The following MAP1B variants were observed in gnomAD, a reference collection of about 807,000 sequenced individuals.
MAP1B encodes the protein microtubule-associated protein 1B.
Under a neutral mutation model 176.1 loss-of-function variants are expected in MAP1B, and 12 were observed. The observed-to-expected ratio is 0.07, with a 90% CI of 0.04 to 0.11. The LOEUF (loss-of-function observed/expected upper bound fraction) is 0.11, where lower values mean the gene tolerates loss of function less well. Ranked by LOEUF, MAP1B falls within the 10% of genes least tolerant of loss-of-function variation. The probability of loss-of-function intolerance (pLI) is 1.00; values close to 1 mark genes in which losing one functional copy is unlikely to be tolerated. For synonymous variants in MAP1B, 1,044 were observed against 1,135.0 expected, an observed-to-expected ratio of 0.92 and a Z score of 1.61; for missense variants, 2,523 against 2,990.5, an observed-to-expected ratio of 0.84 and a Z score of 3.65.
At chr5:72,116,104 A>AAG (rs151013028) in intron 2 of MAP1B, 2 of 331,842 alleles carry the variant, frequency 6.0e-6, no homozygotes, top group East Asian at 7.3e-5. Context: ...GGGCTTGAGA[A>AAG]AGAGAGAGAG....
chr5:72,123,570 T>C (rs925364583), intron 2 of MAP1B, among the ~76,000 whole-genome samples: 13 of 151,930 alleles, frequency 8.6e-5, no homozygotes, highest in African/African-American at 3.1e-4. Context: ...CTGCAAGCTA[T>C]GCCTCCCAGG....
intron 2 of MAP1B, among the ~76,000 whole-genome samples, chr5:72,157,226 C>G (rs1198569642): frequency 6.6e-6 from 1 of 152,236 alleles, no homozygotes; most frequent in East Asian, 1.9e-4. Context: ...TTGTTTTTCA[C>G]TCAGTTTGGA....
Position 72,196,447 on chromosome 5 carries a change from A to G in MAP1B, c.3092A>G (p.Glu1031Gly). 1 of 1,613,860 alleles carries G rather than the reference A, an allele frequency of 6.2e-7. No individual in the cohort carries two copies. The change falls in exon 5 of 7, where the codon GAG (glutamate) becomes GGG (glycine). Residue 1031 changes from glutamate (E) to glycine (G), a missense_variant. By Grantham distance (98) the Glu-to-Gly change is moderately conservative. Coordinates refer to ENST00000296755, the MANE Select transcript of MAP1B (RefSeq NM_005909.5). The surrounding 1 kb of genome is among the most constrained non-coding windows in gnomAD (Gnocchi z 5.3). The part of the protein sequence containing the change: ...DEEDKAEDAR[E>G]EEYEPEKMEA... Reference sequence around the variant, plus strand: ...GAGGACAAAGCTGAAGATGCCAGAGAGGAGGAATATGAGCCGGAAAAAATG... The same window carrying G: ...GAGGACAAAGCTGAAGATGCCAGAGGGGAGGAATATGAGCCGGAAAAAATG...
In MAP1B at chr5:72,196,399, A is replaced by C. The variant is rs771892534; in HGVS notation, c.3044A>C (p.Gln1015Pro). The C allele has an allele frequency of 3.1e-6, 5 of 1,614,064 alleles. No homozygotes were observed. In the East Asian group the frequency reaches 1.1e-4, roughly 36 times the overall value. Reference sequence around the variant, plus strand: ...GCCATTGAGAAAGGAGAGGCTGAACAATCTGAAGAGGAGGCTGATGAGGAG... The same window carrying C: ...GCCATTGAGAAAGGAGAGGCTGAACCATCTGAAGAGGAGGCTGATGAGGAG... ...DEAIEKGEAE[Q>P]SEEEADEEDK... The change falls in exon 5 of 7, where the codon CAA (glutamine) becomes CCA (proline). Residue 1015 changes from glutamine (Q) to proline (P), a missense_variant. Physicochemically the swap from Gln to Pro is moderately conservative, Grantham distance 76 (BLOSUM62 -1). This residue lies in a region of MAP1B where 1,925 missense variants were observed against 2,126.0 expected (regional missense o/e 0.91). Transcript: ENST00000296755. The surrounding 1 kb of genome is among the most constrained non-coding windows in gnomAD (Gnocchi z 5.3).
At chr5:72,144,935 T>C (rs1746018118) in intron 2 of MAP1B, among the ~76,000 whole-genome samples, 2 of 152,266 alleles carry the variant, frequency 1.3e-5, no homozygotes, top group South Asian at 4.1e-4. Context: ...CCTGGCCATC[T>C]GAGTTGTAGG....
chr5:72,127,689 A>C (rs558712407), intron 2 of MAP1B, among the ~76,000 whole-genome samples: 5 of 152,362 alleles, frequency 3.3e-5, no homozygotes, highest in South Asian at 2.1e-4. Context: ...TAACAGAAAG[A>C]AATAATTTAT....
chr5:72,179,014 C>T (rs1238287458), intron 2 of MAP1B, among the ~76,000 whole-genome samples: 1 of 152,104 alleles, frequency 6.6e-6, no homozygotes, highest in Non-Finnish European at 1.5e-5. Flanking sequence ...CCAAACCCAG[C>T]TTTGGGAGAG....
At chr5:72,164,843 AT>A (rs1746394922) in intron 2 of MAP1B, among the ~76,000 whole-genome samples, 1 of 152,204 alleles carries the variant, frequency 6.6e-6, no homozygotes, top group Non-Finnish European at 1.5e-5. Flanking sequence ...TGTTCAAACA[AT>A]TTTAATATTT....
chr5:72,185,669 G>A (rs1350453100), intron 3 of MAP1B, among the ~76,000 whole-genome samples: 1 of 151,798 alleles, frequency 6.6e-6, no homozygotes, highest in African/African-American at 2.4e-5. Flanking sequence ...CGGAAGAGTT[G>A]TGAGAAAGGA....
At chr5:72,122,499 A>T (rs1745548490) in intron 2 of MAP1B, among the ~76,000 whole-genome samples, 1 of 152,160 alleles carries the variant, frequency 6.6e-6, no homozygotes, top group East Asian at 1.9e-4. Flanking sequence ...CTCACATACA[A>T]GGGAATTTTT....
At chr5:72,190,122 G>C (rs1355986675) in intron 4 of MAP1B, among the ~76,000 whole-genome samples, 1 of 152,160 alleles carries the variant, frequency 6.6e-6, no homozygotes. Flanking sequence ...GATTGTGAGA[G>C]TTGATAATGT....
At chr5:72,135,663 CA>C (rs1265489264) in intron 2 of MAP1B, among the ~76,000 whole-genome samples, 1 of 152,102 alleles carries the variant, frequency 6.6e-6, no homozygotes, top group East Asian at 1.9e-4. Flanking sequence ...ATTTGGATCC[CA>C]GAATGTTCCT....
chr5:72,183,506 G>A (rs1354457998), intron 2 of MAP1B, among the ~76,000 whole-genome samples: 1 of 152,248 alleles, frequency 6.6e-6, no homozygotes, highest in Non-Finnish European at 1.5e-5. Context: ...AAACTGGAGA[G>A]TGTGAGAGCG....
chr5:72,161,834 G>A (rs2112180442), intron 2 of MAP1B, among the ~76,000 whole-genome samples: 2 of 151,816 alleles, frequency 1.3e-5, no homozygotes, highest in Middle Eastern at 6.8e-3. Flanking sequence ...GTGGGCGTCT[G>A]TAATCCCAGC....
Position 72,165,618 on chromosome 5 carries a change from C to T in MAP1B, c.287-18125C>T, listed in dbSNP as rs749200762. Among the ~76,000 whole-genome samples, 74 of 152,234 alleles carry T rather than the reference C, an allele frequency of 4.9e-4. 1 individual carries two copies. The highest frequency in any genetic ancestry group is 9.1e-4 in the Non-Finnish European group (62 of 68,012). On this transcript the variant is annotated intron_variant, in intron 2 of 6. Transcript: ENST00000296755. ...CATGACCTCTTGGGCTCAGTTTTCC[C>T]ATCCACTAAATAAGAGGATGGGATG...
At position 72,199,636 on chromosome 5, in the gene MAP1B, A is replaced by G; in HGVS notation, c.6281A>G (p.Lys2094Arg). 2 of 1,614,176 alleles carry G rather than the reference A, an allele frequency of 1.2e-6. No homozygotes were observed. Among genetic ancestry groups the G allele is most frequent in the South Asian group, 1.1e-5 (1 of 91,078 alleles). Residue 2094 changes from lysine (K) to arginine (R), a missense_variant, in exon 5 of 7, where the codon AAG becomes AGG. Physicochemically the swap from Lys to Arg is conservative, Grantham distance 26 (BLOSUM62 2). Transcript: ENST00000296755. This position sits in a 1 kb window ranked among gnomAD's most constrained non-coding sequence, Gnocchi z 4.2. Reference sequence around the variant, plus strand: ...TCCTCTTGTGAATACAAGCACCCCAAGACAGAGCTTTCACCCTCTTTCATT... The same window carrying G: ...TCCTCTTGTGAATACAAGCACCCCAGGACAGAGCTTTCACCCTCTTTCATT... ...LVSSCEYKHP[K>R]TELSPSFINP...
chr5:72,197,210 G>A lies in MAP1B; in HGVS notation c.3855G>A (p.Glu1285=). 2 of 1,614,210 alleles carry A rather than the reference G, an allele frequency of 1.2e-6. No individual in the cohort carries two copies. Among genetic ancestry groups the A allele is most frequent in the Non-Finnish European group, 1.7e-6 (2 of 1,180,044 alleles). The change falls in exon 5 of 7, where the codon GAG becomes GAA. Residue 1285 remains glutamate (E), a synonymous_variant. Transcript: ENST00000296755. ...RSVNFSLTPN[E]IKVSAEAEVA... ...TGAACTTCTCTCTGACGCCCAATGA[G>A]ATTAAAGTCTCTGCAGAGGCAGAAG...
chr5:72,185,592 C>A (rs946380022), intron 3 of MAP1B, among the ~76,000 whole-genome samples: 2 of 131,522 alleles, frequency 1.5e-5, no homozygotes, highest in Non-Finnish European at 1.6e-5. Context: ...CAGAGTGAGA[C>A]CCTGTCTCAA....
chr5:72,193,857 A>C lies in MAP1B; in HGVS notation c.511-9A>C, dbSNP rs762059987. The C allele has an allele frequency of 2.6e-6, 4 of 1,563,082 alleles. No homozygotes were observed. In the East Asian group the frequency reaches 9.0e-5, roughly 35 times the overall value. ...CTTTTCTTTCTTTCTTTCTTTCTTT[A>C]AAACCCAGATCGGGGAGTTACTAAG... On this transcript the variant is annotated splice_polypyrimidine_tract_variant and intron_variant, in intron 4 of 6. Coordinates refer to ENST00000296755, the MANE Select transcript of MAP1B (RefSeq NM_005909.5).
Sources: gnomAD v4.1 joint callset for allele counts (sites outside exome capture counted in the v4.1 genomes callset) on GRCh38, gnomAD v4.1.1 for gene constraint, gnomAD v4.1.1 regional missense constraint, Gnocchi (gnomAD v3.1) non-coding constraint, MANE v1.5 for transcripts, NCBI Gene and HGNC (gene_info 2026-07-23, HGNC 2026-07-21) for gene names.